Variants in PDE8B observed in about 807,000 individuals in gnomAD.
The protein encoded by PDE8B is phosphodiesterase 8B, also known as high affinity cAMP-specific and IBMX-insensitive 3',5'-cyclic phosphodiesterase 8B.
A neutral mutation model predicts 101.3 loss-of-function variants in PDE8B; 26 were observed. The observed-to-expected ratio is 0.26, with a 90% CI of 0.19 to 0.36. PDE8B has a LOEUF of 0.36. Among genes scored for constraint, PDE8B ranks in the 10% least tolerant of loss-of-function variants. The pLI is 1.00. For missense variants in PDE8B, 810 were observed against 1,163.1 expected, an observed-to-expected ratio of 0.70 and a Z score of 4.42; for synonymous variants, 424 against 429.3, an observed-to-expected ratio of 0.99 and a Z score of 0.15.
chr5:77,396,091 CA>C (rs1165709340), intron 10 of PDE8B, among the ~76,000 whole-genome samples: 253 of 152,372 alleles, frequency 1.7e-3, no homozygotes, highest in African/African-American at 5.6e-3. Context: ...AAACCAAAGA[CA>C]CTGCTCCAAA....
chr5:77,269,754 G>C (rs1341098161), intron 1 of PDE8B, among the ~76,000 whole-genome samples: 3 of 151,980 alleles, frequency 2.0e-5, no homozygotes, highest in African/African-American at 4.8e-5. Context: ...TATATTCTTG[G>C]CACCTTTGTT....
chr5:77,424,818 TG>T (rs1409347413), intron 20 of PDE8B, among the ~76,000 whole-genome samples: 7 of 94,730 alleles, frequency 7.4e-5, no homozygotes, highest in South Asian at 6.1e-4. Flanking sequence ...TCTGTTTTTT[TG>T]TTTTTTGTTT....
chr5:77,363,766 TGAAAA>T (rs987470094), intron 10 of PDE8B, among the ~76,000 whole-genome samples: 27 of 149,094 alleles, frequency 1.8e-4, no homozygotes, highest in African/African-American at 6.2e-4. Flanking sequence ...TCTGCAAAAG[TGAAAA>T]GGCAACGAAA....
At chr5:77,265,551 G>A (rs149086421) in intron 1 of PDE8B, among the ~76,000 whole-genome samples, 1 of 152,072 alleles carries the variant, frequency 6.6e-6, no homozygotes, top group Non-Finnish European at 1.5e-5. Context: ...TTTAAAGGTT[G>A]GAGTATAAAT....
chr5:77,411,618 A>C, intron 14 of PDE8B, 58 bp from the exon 15 acceptor site: 1 of 1,402,072 alleles, frequency 7.1e-7, no homozygotes, highest in Non-Finnish European at 1.0e-6. Flanking sequence ...AATAAAAAAA[A>C]AAAGAGAATG....
chr5:77,237,556 A>G (rs1394340159), intron 1 of PDE8B, among the ~76,000 whole-genome samples: 1 of 152,118 alleles, frequency 6.6e-6, no homozygotes, highest in Non-Finnish European at 1.5e-5. Context: ...TATTTTATAT[A>G]CTAGTTATAT....
the PDE8B span, among the ~76,000 whole-genome samples, chr5:77,184,112 G>A: frequency 3.3e-5 from 5 of 152,022 alleles, no homozygotes; most frequent in South Asian, 6.2e-4. Flanking sequence ...GACTATAGGC[G>A]TGCGCCACCA....
the PDE8B span, among the ~76,000 whole-genome samples, chr5:77,178,848 C>T: frequency 1.4e-4 from 22 of 152,162 alleles, no homozygotes; most frequent in Admixed American, 3.3e-4. Context: ...TTTGTTGGAC[C>T]GAGGGCCCTT....
intron 12 of PDE8B, among the ~76,000 whole-genome samples, chr5:77,405,218 A>G (rs911732875): frequency 2.0e-5 from 3 of 152,248 alleles, no homozygotes; most frequent in Admixed American, 1.3e-4. Flanking sequence ...AGAAATCGTG[A>G]GGCAGAATTT....
At chr5:77,121,417 G>A in the PDE8B span, among the ~76,000 whole-genome samples, 6 of 152,146 alleles carry the variant, frequency 3.9e-5, no homozygotes, top group South Asian at 1.0e-3. Flanking sequence ...CCTGGTTTTG[G>A]AAATCACCCG....
At chr5:77,148,106 T>A in the PDE8B span, 1 of 152,232 alleles carries the variant, frequency 6.6e-6, no homozygotes, top group Admixed American at 6.5e-5. Context: ...CAAGACATTA[T>A]ATACACTTAT....
intron 9 of PDE8B, 58 bp downstream of exon 9, chr5:77,351,211 G>A (rs1781061522): frequency 1.6e-6 from 2 of 1,279,338 alleles, no homozygotes; most frequent in African/African-American, 2.9e-5. Context: ...GCCCTCATGG[G>A]CATTGGGCTT....
At chr5:77,187,863 A>G in the PDE8B span, among the ~76,000 whole-genome samples, 7 of 152,236 alleles carry the variant, frequency 4.6e-5, no homozygotes, top group African/African-American at 1.2e-4. Flanking sequence ...AATATTCTCC[A>G]TTGTAAATAT....
At chr5:77,274,346 T>A (rs568473117) in intron 1 of PDE8B, among the ~76,000 whole-genome samples, 1 of 152,292 alleles carries the variant, frequency 6.6e-6, no homozygotes, top group African/African-American at 2.4e-5. Flanking sequence ...GGGCTGGAAA[T>A]CCAACACAGA....
chr5:77,187,951 G>A, the PDE8B span, among the ~76,000 whole-genome samples: 2 of 152,188 alleles, frequency 1.3e-5, no homozygotes, highest in Non-Finnish European at 2.9e-5. Flanking sequence ...CTTAATAAAT[G>A]TATTTATCAC....
At chr5:77,341,033 G>T (rs1174195404) in intron 6 of PDE8B, among the ~76,000 whole-genome samples, 1 of 152,034 alleles carries the variant, frequency 6.6e-6, no homozygotes. Context: ...AAAACATAAA[G>T]ATACCTGAGA....
the PDE8B span, among the ~76,000 whole-genome samples, chr5:77,138,577 A>T: frequency 2.6e-5 from 4 of 152,214 alleles, no homozygotes; most frequent in African/African-American, 4.8e-5. Context: ...AGACTCCAGC[A>T]TGGAGTTTAT....
chr5:77,204,410 CAAAA>C, the PDE8B span, among the ~76,000 whole-genome samples: 1 of 106,136 alleles, frequency 9.4e-6, no homozygotes, highest in Non-Finnish European at 2.1e-5. Flanking sequence ...GACTCTGTCT[CAAAA>C]AAAAAAAAAA....
chr5:77,089,248 C>T, the PDE8B span: 1 of 152,214 alleles, frequency 6.6e-6, no homozygotes, highest in East Asian at 1.9e-4. Context: ...CTCATAGGAG[C>T]ACAATTGTGA....
Sources: allele counts gnomAD v4.1 joint callset (sites outside exome capture counted in the v4.1 genomes callset), GRCh38; gene constraint gnomAD v4.1.1; transcripts MANE v1.5; gene names NCBI Gene and HGNC (gene_info 2026-07-23, HGNC 2026-07-21).